The following NAF1 variants were observed in gnomAD, a reference collection of about 807,000 sequenced individuals.
NAF1 encodes the protein nuclear assembly factor 1 ribonucleoprotein.
A neutral mutation model predicts 40.6 loss-of-function variants in NAF1; 11 were observed. That is an observed-to-expected ratio of 0.27 (90% CI 0.17 to 0.45). NAF1 has a LOEUF of 0.45. Among genes scored for constraint, NAF1 ranks in the 20% least tolerant of loss-of-function variants. The pLI is 1.00. For synonymous variants in NAF1, 260 were observed against 228.5 expected (o/e 1.14, Z -1.24); for missense variants, 607 against 611.1 (o/e 0.99, Z 0.07).
chr4:163,110,433 T>C (rs1040054353), intron 2 of NAF1: 8 of 605,986 alleles, frequency 1.3e-5, no homozygotes, highest in South Asian at 2.0e-5. Flanking sequence ...CCTAAATTAA[T>C]CTTTATCATA....
chr4:163,126,097 G>GGA (rs561182396), downstream of NAF1, among the ~76,000 whole-genome samples: 75 of 152,274 alleles, frequency 4.9e-4, no homozygotes, highest in African/African-American at 1.6e-3. Context: ...GAACTCCAAT[G>GGA]GAGATGTACA....
intron 1 of NAF1, among the ~76,000 whole-genome samples, chr4:163,165,347 T>C (rs1732408662): frequency 6.6e-6 from 1 of 152,234 alleles, no homozygotes; most frequent in Admixed American, 6.5e-5. Context: ...AGTAGTATCC[T>C]GACACTAAGT....
intron 2 of NAF1, among the ~76,000 whole-genome samples, chr4:163,162,773 C>T (rs1439466524): frequency 2.0e-5 from 3 of 152,128 alleles, no homozygotes; most frequent in Admixed American, 1.3e-4. Context: ...TCATGTATTA[C>T]TTTGGCCTGA....
chr4:163,104,878 C>A, the NAF1 span, among the ~76,000 whole-genome samples: 1 of 152,178 alleles, frequency 6.6e-6, no homozygotes. Flanking sequence ...AGAAACCTAA[C>A]TTAATTATAT....
chr4:163,164,405 A>T lies in NAF1; in HGVS notation c.366-14T>A. The T allele has an allele frequency of 6.6e-7, 1 of 1,504,782 alleles. No homozygotes were observed. The highest frequency in any genetic ancestry group is 8.9e-7 in the Non-Finnish European group (1 of 1,127,932). 93.2% of individuals were successfully genotyped at this position (1,504,782 alleles called of 1,614,324 possible). On this transcript the variant is annotated splice_polypyrimidine_tract_variant and intron_variant, in intron 1 of 7. Coordinates refer to ENST00000274054, the MANE Select transcript of NAF1 (RefSeq NM_138386.3). ...GAATCTGTTTCACTGTAGGGAAGAA[A>T]ACAGTTAAAAAAATAGTCCAGTATT...
At chr4:163,153,837 G>T (rs1163487467) in intron 2 of NAF1, among the ~76,000 whole-genome samples, 1 of 152,112 alleles carries the variant, frequency 6.6e-6, no homozygotes, top group African/African-American at 2.4e-5. Context: ...CACCGTGGAA[G>T]CTTTGTTCTT....
At chr4:163,158,309 ATTT>A (rs926428707) in intron 2 of NAF1, 1 of 150,786 alleles carries the variant, frequency 6.6e-6, no homozygotes, top group African/African-American at 2.4e-5. Flanking sequence ...CCATGACTGA[ATTT>A]TTTTTTTCTC....
intron 1 of NAF1, among the ~76,000 whole-genome samples, chr4:163,164,686 C>G (rs948795021): frequency 3.3e-5 from 5 of 152,182 alleles, no homozygotes; most frequent in African/African-American, 1.2e-4. Context: ...AATACTCTCA[C>G]ATATCATACA....
At chr4:163,129,400 A>G in intron 7 of NAF1, 52 bp from the exon 8 acceptor site, 1 of 1,493,910 alleles carries the variant, frequency 6.7e-7, no homozygotes, top group South Asian at 1.3e-5. Context: ...TTAATATATC[A>G]AAAAGCATTG....
chr4:163,146,322 G>A lies in NAF1; in HGVS notation c.635-458C>T, dbSNP rs114120714. ...AAGTTAAATAAAAGGCTTCACAAAA[G>A]CATCTTCCTATGAACAGAAGAAGTA... On this transcript the variant is annotated intron_variant, in intron 3 of 7. Transcript: ENST00000274054. 8.2e-3 allele frequency among the ~76,000 whole-genome samples: 1,242 copies of A among 152,262 alleles called. 18 individuals carry two copies. Among genetic ancestry groups the A allele is most frequent in the African/African-American group, 0.027 (1,138 of 41,556 alleles).
At chr4:163,158,044 C>T (rs1732060553) in intron 2 of NAF1, among the ~76,000 whole-genome samples, 1 of 152,048 alleles carries the variant, frequency 6.6e-6, no homozygotes, top group Admixed American at 6.5e-5. Context: ...TTTTCACTCA[C>T]AAATATGGAA....
intron 5 of NAF1, 24 bp from the exon 6 acceptor site, chr4:163,137,274 C>CA: frequency 6.3e-7 from 1 of 1,587,346 alleles, no homozygotes; most frequent in Non-Finnish European, 8.6e-7. Context: ...GGATGGGAGT[C>CA]AAAAAAGTAT....
rs942350034 is a variant in NAF1, at chr4:163,129,271, T to C, written c.1111A>G (p.Arg371Gly). Residue 371 changes from arginine to glycine, a missense_variant, in exon 8 of 8, where the codon AGA becomes GGA. By Grantham distance (125) the Arg-to-Gly change is moderately radical. Coordinates refer to ENST00000274054, the MANE Select transcript of NAF1 (RefSeq NM_138386.3). ...ASEHAKGYRN[R>G]EFTRGFSRAR... The stretch of plus-strand genomic sequence containing the variant: ...CTGGAAAATCCTCGTGTGAATTCTC[T>C]GTTACGATATCCTTTTGCATGCTCT... 1 of 1,614,044 alleles carries C rather than the reference T, an allele frequency of 6.2e-7. No homozygotes were observed. Among genetic ancestry groups the C allele is most frequent in the Admixed American group, 1.7e-5 (1 of 60,012 alleles).
downstream of NAF1, chr4:163,127,041 CA>C: frequency 1.3e-6 from 2 of 1,551,408 alleles, no homozygotes; most frequent in Non-Finnish European, 1.7e-6. Flanking sequence ...ATTTGGAAAC[CA>C]AAAAGTTTGT....
rs1237386840 is a variant in NAF1, at chr4:163,166,401, G to A, written c.327C>T (p.Asp109=). 2.0e-5 allele frequency: 32 copies of A among 1,607,486 alleles called. No individual in the cohort carries two copies. The highest frequency in any genetic ancestry group is 4.5e-5 in the East Asian group (2 of 44,706). Residue 109 remains aspartate, a synonymous_variant, in exon 1 of 8, where the codon GAC becomes GAT. Transcript: ENST00000274054. ...AATCCGAGTCCGAGGTCTCCAAGGA[G>A]TCCGGCGCCCGCGCAGGCTCTGCGG... is the stretch of plus-strand genomic sequence containing the variant. ...PGAAEPARAP[D]SLETSDSDSD...
chr4:163,116,823 A>G (rs1279189346), intron 2 of NAF1, among the ~76,000 whole-genome samples: 3 of 151,976 alleles, frequency 2.0e-5, no homozygotes, highest in Admixed American at 2.0e-4. Context: ...TTTTTCAGGG[A>G]CGACCACCCT....
At chr4:163,147,125 A>T (rs935619790) in intron 3 of NAF1, among the ~76,000 whole-genome samples, 1 of 152,192 alleles carries the variant, frequency 6.6e-6, no homozygotes, top group African/African-American at 2.4e-5. Context: ...GAATCACGGA[A>T]AGAATTTTAA....
the NAF1 span, among the ~76,000 whole-genome samples, chr4:163,104,105 T>TG: frequency 9.9e-5 from 15 of 151,296 alleles, no homozygotes; most frequent in Non-Finnish European, 2.1e-4. Context: ...AGGTGCTCAG[T>TG]GGGGGAGGTT....
At chr4:163,103,967 C>T in the NAF1 span, among the ~76,000 whole-genome samples, 2 of 151,722 alleles carry the variant, frequency 1.3e-5, no homozygotes, top group African/African-American at 2.4e-5. Flanking sequence ...AGGGTGCAGG[C>T]GGACTGAGTC....
Sources: gnomAD v4.1 joint callset for allele counts (sites outside exome capture counted in the v4.1 genomes callset) on GRCh38, gnomAD v4.1.1 for gene constraint, MANE v1.5 for transcripts, NCBI Gene and HGNC (gene_info 2026-07-23, HGNC 2026-07-21) for gene names.